The following CCDC171 variants were observed in gnomAD, a reference collection of about 807,000 sequenced individuals.
CCDC171 encodes the protein coiled-coil domain containing 171, also known as coiled-coil domain-containing protein 171.
In CCDC171, 177 loss-of-function variants were observed where a neutral mutation model predicts 168.2. The ratio of observed to expected loss-of-function variants is 1.05; its 90% confidence interval spans 0.93 to 1.19. The LOEUF is 1.19. Among genes scored for constraint, CCDC171 ranks in the 50% most tolerant of loss-of-function variants. The pLI, the probability that CCDC171 is intolerant of heterozygous loss-of-function variation, is 0.00. For missense variants in CCDC171, 1,991 were observed against 1,539.0 expected, an observed-to-expected ratio of 1.29 and a Z score of -4.91; for synonymous variants, 687 against 540.8, an observed-to-expected ratio of 1.27 and a Z score of -3.75.
chr9:16,059,712 C>T (rs1291038981), intron 1 of CCDC171, among the ~76,000 whole-genome samples: 2 of 150,376 alleles, frequency 1.3e-5, no homozygotes, highest in East Asian at 1.9e-4. Context: ...GACGGGGTTT[C>T]ACCTTGTTAG....
intron 24 of CCDC171, among the ~76,000 whole-genome samples, chr9:15,907,804 A>C (rs1822934354): frequency 6.6e-6 from 1 of 152,194 alleles, no homozygotes; most frequent in African/African-American, 2.4e-5. Flanking sequence ...ACTCCAACAA[A>C]TTTATAAGAA....
chr9:15,781,792 G>T (rs2057681370), intron 20 of CCDC171, among the ~76,000 whole-genome samples: 1 of 152,080 alleles, frequency 6.6e-6, no homozygotes, highest in Admixed American at 6.6e-5. Context: ...TGATCGTGTT[G>T]ACCAGGTATC....
chr9:15,992,677 T>A (rs1234329655), intron 3 of CCDC171, among the ~76,000 whole-genome samples: 29 of 152,186 alleles, frequency 1.9e-4, no homozygotes, highest in Admixed American at 1.9e-3. Flanking sequence ...GATGACATGA[T>A]TGTATATCTA....
upstream of CCDC171, among the ~76,000 whole-genome samples, chr9:16,039,666 C>T (rs1440183580): frequency 2.6e-5 from 4 of 152,178 alleles, no homozygotes; most frequent in Non-Finnish European, 5.9e-5. Context: ...CTTACATCTG[C>T]GTCCCAGCCC....
At chr9:15,558,365 C>T (rs2038986764) in intron 1 of CCDC171, among the ~76,000 whole-genome samples, 1 of 152,084 alleles carries the variant, frequency 6.6e-6, no homozygotes, top group South Asian at 2.1e-4. Context: ...TCCGTCTGGT[C>T]CTGGATATTT....
intron 24 of CCDC171, among the ~76,000 whole-genome samples, chr9:15,885,017 A>G (rs755748973): frequency 6.6e-6 from 1 of 152,176 alleles, no homozygotes; most frequent in African/African-American, 2.4e-5. Flanking sequence ...CATTGCCAAG[A>G]CCCAGGTGGT....
intron 24 of CCDC171, among the ~76,000 whole-genome samples, chr9:15,907,573 A>G (rs1822882311): frequency 6.6e-6 from 1 of 152,240 alleles, no homozygotes; most frequent in Non-Finnish European, 1.5e-5. Flanking sequence ...AAACCTAGGC[A>G]TTACCATTCA....
At chr9:15,879,719 C>T (rs1421337706) in intron 24 of CCDC171, among the ~76,000 whole-genome samples, 5 of 151,976 alleles carry the variant, frequency 3.3e-5, no homozygotes, top group Admixed American at 6.6e-5. Flanking sequence ...TGTCAGTTTT[C>T]TGTTGATGGA....
chr9:15,686,904 T>C (rs1355087648), intron 10 of CCDC171, among the ~76,000 whole-genome samples: 2 of 152,140 alleles, frequency 1.3e-5, no homozygotes, highest in Admixed American at 6.5e-5. Context: ...GTAAACAAAT[T>C]AGACCTTACA....
chr9:15,818,877 G>C lies in CCDC171; in HGVS notation c.3268-27825G>C, dbSNP rs1274294058. On this transcript the variant is annotated intron_variant, in intron 21 of 25. Coordinates refer to ENST00000380701, the MANE Select transcript of CCDC171 (RefSeq NM_173550.4). The stretch of plus-strand genomic sequence containing the variant: ...AATACTCCTCGAGAAGAGCAACTCT[G>C]AGACACATAATTGTCAGATTCCCCA... Among the ~76,000 whole-genome samples, 8 of 116,570 alleles carry C rather than the reference G, an allele frequency of 6.9e-5. 3 individuals are homozygous for C. The highest frequency in any genetic ancestry group is 4.9e-4 in the Admixed American group (6 of 12,268). 76.5% of individuals were successfully genotyped at this position (116,570 alleles called of 152,430 possible).
chr9:16,057,375 T>A (rs1833857577), intron 1 of CCDC171, among the ~76,000 whole-genome samples: 1 of 152,210 alleles, frequency 6.6e-6, no homozygotes, highest in South Asian at 2.1e-4. Flanking sequence ...GAAGGGAACT[T>A]CCCCCAGGAA....
At chr9:15,985,595 G>A (rs987489442) in intron 3 of CCDC171, among the ~76,000 whole-genome samples, 12 of 152,120 alleles carry the variant, frequency 7.9e-5, no homozygotes, top group Non-Finnish European at 5.9e-5. Flanking sequence ...CCCAAATTAG[G>A]CAGCAATGGA....
the CCDC171 span, among the ~76,000 whole-genome samples, chr9:16,107,005 G>C: frequency 6.6e-6 from 1 of 152,272 alleles, no homozygotes; most frequent in Middle Eastern, 3.4e-3. Context: ...CTCAGTGTTT[G>C]CACTCTTCAT....
intron 16 of CCDC171, among the ~76,000 whole-genome samples, chr9:15,733,297 A>G (rs2054268050): frequency 6.6e-6 from 1 of 152,124 alleles, no homozygotes; most frequent in Non-Finnish European, 1.5e-5. Context: ...TCAAATTTTT[A>G]TGACCCATTT....
chr9:15,814,135 G>C (rs1454172466), intron 21 of CCDC171, among the ~76,000 whole-genome samples: 1 of 152,146 alleles, frequency 6.6e-6, no homozygotes, highest in Non-Finnish European at 1.5e-5. Flanking sequence ...AGAAATATTG[G>C]AAAACAAAGC....
intron 6 of CCDC171, among the ~76,000 whole-genome samples, chr9:15,612,043 C>A (rs1227437882): frequency 1.3e-5 from 2 of 152,158 alleles, no homozygotes; most frequent in African/African-American, 4.8e-5. Flanking sequence ...TAGAAAGCAT[C>A]CTCTATAAAC....
intron 21 of CCDC171, among the ~76,000 whole-genome samples, chr9:15,827,273 G>GCA (rs2060052045): frequency 6.6e-6 from 1 of 152,080 alleles, no homozygotes; most frequent in Non-Finnish European, 1.5e-5. Context: ...TGTGTGGAAG[G>GCA]GGGGACATGT....
At chr9:16,095,288 G>A in the CCDC171 span, among the ~76,000 whole-genome samples, 23 of 152,260 alleles carry the variant, frequency 1.5e-4, no homozygotes, top group African/African-American at 5.5e-4. Context: ...AGCATGGGCT[G>A]CTTTGCAGAA....
At chr9:15,843,228 T>A (rs1349564253) in intron 21 of CCDC171, among the ~76,000 whole-genome samples, 1 of 152,052 alleles carries the variant, frequency 6.6e-6, no homozygotes, top group Admixed American at 6.6e-5. Context: ...GCTTTTGAAA[T>A]ACAGTCATTT....
Sources: allele counts gnomAD v4.1 joint callset (sites outside exome capture counted in the v4.1 genomes callset), GRCh38; gene constraint gnomAD v4.1.1; transcripts MANE v1.5; gene names NCBI Gene and HGNC (gene_info 2026-07-23, HGNC 2026-07-21).